The following HGD variants were observed in gnomAD, a reference collection of about 807,000 sequenced individuals.
HGD encodes homogentisate oxidase.
HGD carries 61 observed loss-of-function variants against 60.8 expected under a neutral mutation model. The ratio of observed to expected loss-of-function variants is 1.00; its 90% CI spans 0.82 to 1.24. The LOEUF is 1.24. Ranked by LOEUF, HGD falls within the 50% of genes most tolerant of loss-of-function variation. The probability of loss-of-function intolerance (pLI) is 0.00; values close to 1 mark genes in which losing one functional copy is unlikely to be tolerated. For missense variants in HGD, 542 were observed against 547.1 expected (o/e 0.99, Z 0.09); for synonymous variants, 212 against 187.7 (o/e 1.13, Z -1.06).
intron 4 of HGD, among the ~76,000 whole-genome samples, chr3:120,660,740 G>A (rs561139600): frequency 1.3e-5 from 2 of 152,270 alleles, no homozygotes; most frequent in East Asian, 1.9e-4. Context: ...CAGGAGAATC[G>A]CTTGAACCCA....
At chr3:120,638,396 G>A (rs541141109) in intron 12 of HGD, 59 bp downstream of exon 12, 147 of 1,601,798 alleles carry the variant, frequency 9.2e-5, no homozygotes, top group Non-Finnish European at 1.1e-4. Flanking sequence ...AATGTGTAGC[G>A]CTCACTGCTT....
At chr3:120,656,254 A>G (rs1941491459) in intron 4 of HGD, among the ~76,000 whole-genome samples, 1 of 152,146 alleles carries the variant, frequency 6.6e-6, no homozygotes, top group Admixed American at 6.5e-5. Context: ...AAGAAGATAC[A>G]TTTCTGTTGT....
At chr3:120,674,490 C>T (rs1708084943) in intron 3 of HGD, 1 of 225,424 alleles carries the variant, frequency 4.4e-6, no homozygotes, top group South Asian at 7.3e-5. Context: ...AAAGAACATA[C>T]CTCTAGTCAG....
intron 4 of HGD, among the ~76,000 whole-genome samples, chr3:120,660,087 T>C (rs1378588647): frequency 6.6e-6 from 1 of 152,124 alleles, no homozygotes; most frequent in Admixed American, 6.5e-5. Context: ...TTGCTCCTGC[T>C]CCTGCCATCT....
chr3:120,675,055 CAACT>C (rs1708099351), intron 2 of HGD, 66 bp from the exon 3 acceptor site: 3 of 1,078,078 alleles, frequency 2.8e-6, no homozygotes, highest in Admixed American at 3.4e-5. Context: ...TCCCACCAAC[CAACT>C]CAGTAGGGGG....
At chr3:120,662,541 A>G (rs140162094) in intron 4 of HGD, among the ~76,000 whole-genome samples, 1 of 152,230 alleles carries the variant, frequency 6.6e-6, no homozygotes, top group Non-Finnish European at 1.5e-5. Context: ...AGGAATCTAC[A>G]TTTTCAACAA....
chr3:120,657,972 A>G (rs1261720600), intron 4 of HGD, among the ~76,000 whole-genome samples: 3 of 152,118 alleles, frequency 2.0e-5, no homozygotes, highest in Non-Finnish European at 1.5e-5. Flanking sequence ...TTCATGAGAA[A>G]CTGTCCCCAA....
intron 13 of HGD, among the ~76,000 whole-genome samples, chr3:120,629,347 C>G (rs1446532934): frequency 6.6e-6 from 1 of 152,106 alleles, no homozygotes; most frequent in African/African-American, 2.4e-5. Context: ...TACAGACAGG[C>G]AAAAGGAAAA....
intron 4 of HGD, among the ~76,000 whole-genome samples, chr3:120,669,511 T>C (rs575294507): frequency 4.0e-5 from 6 of 151,686 alleles, no homozygotes; most frequent in African/African-American, 1.5e-4. Flanking sequence ...AAGTTTGTCC[T>C]AAAGTTGCCT....
At chr3:120,680,937 G>C (rs558664856) in intron 1 of HGD, among the ~76,000 whole-genome samples, 65 of 152,306 alleles carry the variant, frequency 4.3e-4, no homozygotes, top group Non-Finnish European at 6.5e-4. Flanking sequence ...ACCTAGCCCA[G>C]ACTCAGTTCA....
intron 3 of HGD, among the ~76,000 whole-genome samples, chr3:120,673,507 C>G (rs1708064487): frequency 6.6e-6 from 1 of 151,020 alleles, no homozygotes; most frequent in Non-Finnish European, 1.5e-5. Context: ...TTTGGGCTTA[C>G]AGAGAGAGAG....
intron 4 of HGD, 111 bp downstream of exon 4, chr3:120,670,316 T>C (rs1707996205): frequency 1.4e-6 from 1 of 738,386 alleles, no homozygotes; most frequent in Non-Finnish European, 2.5e-6. Context: ...TTTATTAAAA[T>C]AATACTTTAA....
chr3:120,677,188 T>G (rs748111136), intron 1 of HGD, among the ~76,000 whole-genome samples: 4 of 152,154 alleles, frequency 2.6e-5, no homozygotes, highest in Non-Finnish European at 5.9e-5. Flanking sequence ...TTGAGCAACA[T>G]GAAATGTGGA....
chr3:120,655,264 C>T (rs947366434), intron 4 of HGD, among the ~76,000 whole-genome samples: 1 of 152,132 alleles, frequency 6.6e-6, no homozygotes, highest in East Asian at 1.9e-4. Flanking sequence ...CACATTAGCC[C>T]TCAAGTCATG....
At chr3:120,633,925 A>G (rs1940673640) in intron 12 of HGD, among the ~76,000 whole-genome samples, 1 of 152,240 alleles carries the variant, frequency 6.6e-6, no homozygotes, top group Admixed American at 6.5e-5. Context: ...AATGCTATTT[A>G]TTATAACAAA....
At chr3:120,656,187 C>T (rs993372779) in intron 4 of HGD, among the ~76,000 whole-genome samples, 1 of 152,186 alleles carries the variant, frequency 6.6e-6, no homozygotes. Flanking sequence ...AGAGGAGCCT[C>T]ACAAGACATC....
intron 6 of HGD, 86 bp downstream of exon 6, chr3:120,650,688 T>C: frequency 3.1e-6 from 3 of 957,018 alleles, no homozygotes; most frequent in South Asian, 1.3e-5. Flanking sequence ...CATATGTGAC[T>C]TCACAAGAGT....
chr3:120,650,912 C>A, intron 5 of HGD, 47 bp from the exon 6 acceptor site: 1 of 1,419,610 alleles, frequency 7.0e-7, no homozygotes, highest in Non-Finnish European at 1.0e-6. Context: ...GAACGGTGCC[C>A]AAGAGGCAGC....
intron 4 of HGD, among the ~76,000 whole-genome samples, chr3:120,662,735 G>T (rs2551569): frequency 0.47 from 71,251 of 151,972 alleles, 17,557 homozygotes; most frequent in East Asian, 0.63. Context: ...ATCCAAAAGA[G>T]TGGGAATCCT....
Sources: gnomAD v4.1 joint callset for allele counts (sites outside exome capture counted in the v4.1 genomes callset) on GRCh38, gnomAD v4.1.1 for gene constraint, MANE v1.5 for transcripts, NCBI Gene and HGNC (gene_info 2026-07-23, HGNC 2026-07-21) for gene names.